RELN: variants seen among roughly 807,000 people sequenced by gnomAD.
RELN encodes the protein reelin.
Under a neutral mutation model 427.6 loss-of-function variants are expected in RELN, and 108 were observed. That is an observed-to-expected ratio of 0.25 (90% CI 0.22 to 0.30). The LOEUF is 0.30. Among genes scored for constraint, RELN ranks in the 10% least tolerant of loss-of-function variants. The probability of loss-of-function intolerance (pLI) is 1.00; values close to 1 mark genes in which losing one functional copy is unlikely to be tolerated. For missense variants in RELN, 3,715 were observed against 4,302.8 expected, an observed-to-expected ratio of 0.86 and a Z score of 3.82; for synonymous variants, 1,524 against 1,513.4, an observed-to-expected ratio of 1.01 and a Z score of -0.16.
chr7:103,634,243 C>T (rs1832531167), intron 19 of RELN, among the ~76,000 whole-genome samples: 1 of 152,068 alleles, frequency 6.6e-6, no homozygotes, highest in South Asian at 2.1e-4. Flanking sequence ...TTCTCATCTC[C>T]TCATGATTAA....
chr7:103,715,320 A>T (rs1789910212), intron 8 of RELN, among the ~76,000 whole-genome samples: 6 of 152,096 alleles, frequency 3.9e-5, no homozygotes, highest in Admixed American at 3.9e-4. Context: ...TGCTTCCTTT[A>T]TACTTGAAAT....
intron 3 of RELN, among the ~76,000 whole-genome samples, chr7:103,798,305 A>G (rs1364184651): frequency 6.6e-6 from 1 of 152,198 alleles, no homozygotes; most frequent in Non-Finnish European, 1.5e-5. Context: ...TTCAAATCTT[A>G]GCTACAATAC....
At chr7:103,859,177 G>T (rs1370263767) in intron 2 of RELN, among the ~76,000 whole-genome samples, 3 of 152,162 alleles carry the variant, frequency 2.0e-5, no homozygotes, top group Admixed American at 2.0e-4. Flanking sequence ...TATGTTTTGG[G>T]AATTTCTCAA....
intron 2 of RELN, among the ~76,000 whole-genome samples, chr7:103,900,685 C>A (rs13227200): frequency 4.3e-4 from 65 of 152,160 alleles, no homozygotes; most frequent in Middle Eastern, 3.4e-3. Context: ...AGAAGTAACA[C>A]CACACATCTC....
At chr7:103,624,326 C>T (rs1393156144) in intron 20 of RELN, among the ~76,000 whole-genome samples, 2 of 152,180 alleles carry the variant, frequency 1.3e-5, no homozygotes, top group Non-Finnish European at 2.9e-5. Context: ...CTCTCTCGGG[C>T]TGATCACGCC....
chr7:103,637,559 T>A (rs1832609168), intron 17 of RELN, among the ~76,000 whole-genome samples: 1 of 152,188 alleles, frequency 6.6e-6, no homozygotes, highest in Admixed American at 6.5e-5. Flanking sequence ...ATAGGTTTTA[T>A]CAGATTACCA....
At chr7:103,924,685 C>G (rs765233449) in intron 1 of RELN, among the ~76,000 whole-genome samples, 1 of 152,114 alleles carries the variant, frequency 6.6e-6, no homozygotes, top group Non-Finnish European at 1.5e-5. Flanking sequence ...TTCAGAGATT[C>G]AGATGAACCA....
chr7:103,883,621 C>A lies in RELN; in HGVS notation c.337+33454G>T, dbSNP rs370267176. Among the ~76,000 whole-genome samples the A allele has an allele frequency of 2.1e-4, 32 of 152,318 alleles. 1 individual carries two copies. The highest frequency in any genetic ancestry group is 7.5e-4 in the African/African-American group (31 of 41,576). On this transcript the variant is annotated intron_variant, in intron 2 of 64. Transcript: ENST00000428762. ...AAAATCAATGTGCAAAAGTCACAAGCATTCCTAAACACCAATAAAAGACAA... is the reference window on the plus strand; with the variant it reads ...AAAATCAATGTGCAAAAGTCACAAGAATTCCTAAACACCAATAAAAGACAA...
At chr7:103,737,412 T>C (rs491170) in intron 6 of RELN, among the ~76,000 whole-genome samples, 33,297 of 152,174 alleles carry the variant, frequency 0.22, 4,814 homozygotes, top group African/African-American at 0.41. Flanking sequence ...TCCACTTATA[T>C]TGTAGTTCTC....
chr7:103,545,986 T>C (rs775323963), intron 41 of RELN, among the ~76,000 whole-genome samples: 13 of 152,092 alleles, frequency 8.5e-5, no homozygotes, highest in Non-Finnish European at 1.5e-4. Flanking sequence ...TTAAAAAAAC[T>C]GAGGTAAAAT....
chr7:103,700,112 A>T (rs1216842020), intron 9 of RELN, among the ~76,000 whole-genome samples: 2 of 152,114 alleles, frequency 1.3e-5, no homozygotes, highest in Non-Finnish European at 2.9e-5. Context: ...CACGAAACTG[A>T]TAAGAAAATA....
Position 103,593,791 on chromosome 7 carries a change from G to A in RELN, c.3803C>T (p.Thr1268Ile). Residue 1268 changes from threonine to isoleucine, a missense_variant, in exon 27 of 65, where the codon ACC (threonine) becomes ATC (isoleucine). Physicochemically the swap from Thr to Ile is moderately conservative, Grantham distance 89. Around this residue, in one of 4 missense-constraint regions of RELN, gnomAD observed 2,208 missense variants for 2,361.7 expected, o/e 0.93. Transcript: ENST00000428762. ...TGCTGATGGTGTGGCAGCACAGAAG[G>A]TTTCATTTTTAACCATTCCTTCATT... Reference protein sequence around the residue: ...LANEGMVKNETFCAATPSAMI... With the variant: ...LANEGMVKNEIFCAATPSAMI... 2 of 1,613,642 alleles carry A rather than the reference G, an allele frequency of 1.2e-6. No individual in the cohort carries two copies. The highest frequency in any genetic ancestry group is 1.7e-6 in the Non-Finnish European group (2 of 1,179,650).
chr7:103,610,676 T>G lies in RELN; in HGVS notation c.3008+19A>C. On this transcript the variant is annotated intron_variant, in intron 22 of 64. Coordinates refer to ENST00000428762, the MANE Select transcript of RELN (RefSeq NM_005045.4). ...AGTCAAAGTTAAAGTGACAGCCATA[T>G]CTAAAGATGTCATCTCACCAAGTTT... is the stretch of plus-strand genomic sequence containing the variant. 1 of 1,179,922 alleles carries G rather than the reference T, an allele frequency of 8.5e-7. No homozygotes were observed. 73.1% of individuals were successfully genotyped at this position (1,179,922 alleles called of 1,614,324 possible).
intron 57 of RELN, among the ~76,000 whole-genome samples, chr7:103,492,321 T>G (rs956822095): frequency 4.6e-5 from 7 of 152,158 alleles, no homozygotes; most frequent in African/African-American, 1.7e-4. Context: ...GAAAGTAACA[T>G]TAGTCAAATT....
At chr7:103,986,649 A>AG (rs1346473580) in intron 1 of RELN, among the ~76,000 whole-genome samples, 3 of 150,512 alleles carry the variant, frequency 2.0e-5, no homozygotes, top group African/African-American at 7.4e-5. Context: ...AAAAAAAAAA[A>AG]AAAGTCACAA....
chr7:103,877,451 T>C (rs1326510236), intron 2 of RELN, among the ~76,000 whole-genome samples: 1 of 152,138 alleles, frequency 6.6e-6, no homozygotes, highest in African/African-American at 2.4e-5. Context: ...GCTTCCAAAA[T>C]TGTAGATTTT....
At chr7:103,832,652 G>A (rs1442751841) in intron 3 of RELN, among the ~76,000 whole-genome samples, 1 of 152,136 alleles carries the variant, frequency 6.6e-6, no homozygotes, top group African/African-American at 2.4e-5. Context: ...CACATCAACA[G>A]ATGTTACAGT....
At chr7:103,888,799 T>C (rs543417200) in intron 2 of RELN, among the ~76,000 whole-genome samples, 3 of 152,224 alleles carry the variant, frequency 2.0e-5, no homozygotes, top group African/African-American at 7.2e-5. Context: ...TCAGCCCCAC[T>C]TGTCAGGAGG....
intron 11 of RELN, among the ~76,000 whole-genome samples, chr7:103,666,385 T>A (rs2188181): frequency 0.25 from 38,478 of 152,068 alleles, 5,381 homozygotes; most frequent in South Asian, 0.38. Flanking sequence ...TTGATTCTTT[T>A]TAATATTTGC....
Sources: gnomAD v4.1 joint callset for allele counts (sites outside exome capture counted in the v4.1 genomes callset) on GRCh38, gnomAD v4.1.1 for gene constraint, gnomAD v4.1.1 regional missense constraint, MANE v1.5 for transcripts, NCBI Gene and HGNC (gene_info 2026-07-23, HGNC 2026-07-21) for gene names.